Variants in LEF1 observed in about 807,000 individuals in gnomAD.
LEF1 encodes lymphoid enhancer binding factor 1.
Under a neutral mutation model 51.2 loss-of-function variants are expected in LEF1, and 14 were observed. The observed-to-expected ratio is 0.27, with a 90% CI of 0.18 to 0.43. LEF1 has a LOEUF of 0.43. LEF1 is among the 20% of genes least tolerant of loss of function. The pLI is 1.00. For missense variants in LEF1, 386 were observed against 512.0 expected (o/e 0.75, Z 2.37); for synonymous variants, 185 against 183.2 (o/e 1.01, Z -0.08).
chr4:108,120,284 G>A (rs1274198010), intron 3 of LEF1, among the ~76,000 whole-genome samples: 2 of 152,074 alleles, frequency 1.3e-5, no homozygotes, highest in East Asian at 3.9e-4. Context: ...TCCTGCCTCA[G>A]CCTCCCAAAG....
intron 3 of LEF1, among the ~76,000 whole-genome samples, chr4:108,141,575 C>T (rs1743657819): frequency 6.6e-6 from 1 of 152,116 alleles, no homozygotes; most frequent in Admixed American, 6.5e-5. Context: ...GAATAGAGAC[C>T]TCTGCCTTTT....
At position 108,079,606 on chromosome 4, in the gene LEF1, T is replaced by C. The variant is rs1578317288; in HGVS notation, c.731A>G (p.His244Arg). ...SVDTSMSRFS[H>R]HMIPGPPGPH... ...ACCAGGAGGACCGGGAATCATATGA[T>C]GGGAAAACCTGAAAGGAGGAAAGAG... The change falls in exon 7 of 12, where the codon CAT becomes CGT. Residue 244 changes from histidine to arginine, a missense_variant. Physicochemically the swap from His to Arg is conservative, Grantham distance 29. Around this residue, in one of 2 missense-constraint regions of LEF1, gnomAD observed 335 missense variants for 390.7 expected, o/e 0.86. Coordinates refer to ENST00000265165, the MANE Select transcript of LEF1 (RefSeq NM_016269.5). 17 of 1,614,000 alleles carry C rather than the reference T, an allele frequency of 1.1e-5. No individual in the cohort carries two copies. The highest frequency in any genetic ancestry group is 1.3e-5 in the Non-Finnish European group (15 of 1,179,966).
chr4:108,121,998 G>T (rs1262383614), intron 3 of LEF1, among the ~76,000 whole-genome samples: 1 of 151,958 alleles, frequency 6.6e-6, no homozygotes, highest in Non-Finnish European at 1.5e-5. Flanking sequence ...AGAGAATATG[G>T]TCTGTGTCAC....
At position 108,079,487 on chromosome 4, in the gene LEF1, C is replaced by A; in HGVS notation, c.845+5G>T. 1 of 1,614,114 alleles carries A rather than the reference C, an allele frequency of 6.2e-7. No individual in the cohort carries two copies. Among genetic ancestry groups the A allele is most frequent in the Non-Finnish European group, 8.5e-7 (1 of 1,180,002 alleles). On this transcript the variant is annotated splice_donor_5th_base_variant and intron_variant, in intron 7 of 11. Transcript: ENST00000265165. Reference sequence around the variant, plus strand: ...AATCACAGCAGAGCCCGGGTGGATACTTACACGTGCATTAGGTCACTGTCA... The same window carrying A: ...AATCACAGCAGAGCCCGGGTGGATAATTACACGTGCATTAGGTCACTGTCA...
At chr4:108,058,856 G>T (rs916614326) in intron 11 of LEF1, among the ~76,000 whole-genome samples, 49 of 152,306 alleles carry the variant, frequency 3.2e-4, no homozygotes, top group African/African-American at 6.5e-4. Flanking sequence ...TGCGTGGTGA[G>T]TAAACAAGTG....
At chr4:108,060,957 G>A (rs1057294165) in intron 11 of LEF1, among the ~76,000 whole-genome samples, 22 of 152,092 alleles carry the variant, frequency 1.4e-4, no homozygotes. Context: ...AGGAAGGGGT[G>A]GGGGTACAAC....
intron 3 of LEF1, among the ~76,000 whole-genome samples, chr4:108,134,507 G>A (rs1314009745): frequency 1.3e-5 from 2 of 152,182 alleles, no homozygotes. Context: ...CTACAGCACT[G>A]GCACTCCATC....
At chr4:108,094,872 C>T (rs138470518) in intron 3 of LEF1, among the ~76,000 whole-genome samples, 5 of 152,300 alleles carry the variant, frequency 3.3e-5, no homozygotes, top group South Asian at 2.1e-4. Flanking sequence ...GTCTGGTACT[C>T]GTGACATAAA....
intron 3 of LEF1, among the ~76,000 whole-genome samples, chr4:108,099,605 T>TAA (rs1740667585): frequency 8.4e-6 from 1 of 119,012 alleles, no homozygotes; most frequent in Non-Finnish European, 1.8e-5. Context: ...TATATATATA[T>TAA]ATATATATAT....
chr4:108,105,997 T>G (rs1488847427), intron 3 of LEF1, among the ~76,000 whole-genome samples: 1 of 152,200 alleles, frequency 6.6e-6, no homozygotes, highest in Non-Finnish European at 1.5e-5. Flanking sequence ...CAGCTGGGTC[T>G]GCAGTCGGGC....
chr4:108,079,540 G>A lies in LEF1; in HGVS notation c.797C>T (p.Pro266Leu), dbSNP rs780448564. The A allele has an allele frequency of 1.2e-6, 2 of 1,614,060 alleles. No homozygotes were observed. The highest frequency in any genetic ancestry group is 2.2e-5 in the East Asian group (1 of 44,864). Residue 266 changes from proline to leucine, a missense_variant, in exon 7 of 12, where the codon CCT becomes CTT. Physicochemically the swap from Pro to Leu is moderately conservative, Grantham distance 98. This residue lies in a region of LEF1 where 335 missense variants were observed against 390.7 expected (regional missense o/e 0.86). Transcript: ENST00000265165. ...GTGGGGATGTTCCTGTTTGACCTGA[G>A]GTGTTACAATAGCTGGATGAGGGAT... ...TGIPHPAIVT[P>L]QVKQEHPHTD...
At chr4:108,083,862 G>T (rs1443069232) in intron 4 of LEF1, among the ~76,000 whole-genome samples, 2 of 152,136 alleles carry the variant, frequency 1.3e-5, no homozygotes, top group Non-Finnish European at 2.9e-5. Flanking sequence ...TAGGTAAATT[G>T]CCATTTTCAT....
rs113815125 is a variant in LEF1, at chr4:108,130,564, C to CAA, written c.414+33002_414+33003dup. The stretch of plus-strand genomic sequence containing the variant: ...TGAAACCCTGTCTCTACTAAAAATA[C>CAA]AAAAAAAAAAAAAAAAATGGCAAGG... On this transcript the variant is annotated intron_variant, in intron 3 of 11. Coordinates refer to ENST00000265165, the MANE Select transcript of LEF1 (RefSeq NM_016269.5). 1.8e-4 allele frequency among the ~76,000 whole-genome samples: 18 copies of CAA among 98,800 alleles called. No homozygotes were observed. The East Asian group carries it at 2.3e-3, about 13-fold the overall frequency. The allele number at this position is 98,800 out of a possible 152,430, so 64.8% of individuals were successfully genotyped here.
chr4:108,060,834 C>T (rs1237371391), intron 11 of LEF1, among the ~76,000 whole-genome samples: 1 of 152,028 alleles, frequency 6.6e-6, no homozygotes, highest in African/African-American at 2.4e-5. Context: ...CACTCTATTT[C>T]CAGGTCACAC....
At position 108,168,781 on chromosome 4, in the gene LEF1, G is replaced by A. The variant is rs975072768; in HGVS notation, c.-1014C>T. 1 of 152,172 alleles carries A rather than the reference G, an allele frequency of 6.6e-6. No individual in the cohort carries two copies. Among genetic ancestry groups the A allele is most frequent in the African/African-American group, 2.4e-5 (1 of 41,442 alleles). 9.4% of individuals were successfully genotyped at this position (152,172 alleles called of 1,614,324 possible). A position where few individuals can be genotyped will look rare whatever the true frequency, so the allele number is the denominator to read the frequency against. ...CAAAGCAAAGAGCTGCGCCCCTTGAGTTCGCCCGGCCGAGGGGAGGGGACG... is the reference window on the plus strand; with the variant it reads ...CAAAGCAAAGAGCTGCGCCCCTTGAATTCGCCCGGCCGAGGGGAGGGGACG... On this transcript the variant is annotated 5_prime_UTR_variant, in exon 1 of 12. Transcript: ENST00000265165. This position sits in a 1 kb window ranked among gnomAD's most constrained non-coding sequence, Gnocchi z 4.6.
At chr4:108,097,719 C>T (rs996204199) in intron 3 of LEF1, among the ~76,000 whole-genome samples, 5 of 142,378 alleles carry the variant, frequency 3.5e-5, no homozygotes, top group Non-Finnish European at 7.8e-5. Context: ...CTATTATGTA[C>T]CCATAATGAT....
chr4:108,093,165 A>G (rs1740160539), intron 3 of LEF1, among the ~76,000 whole-genome samples: 2 of 152,302 alleles, frequency 1.3e-5, no homozygotes, highest in South Asian at 4.1e-4. Context: ...TCAAGCCAGG[A>G]CTACTGTATA....
rs557676735 is a variant in LEF1 at position 108,137,587 on chromosome 4, G to C, written c.414+25981C>G. On this transcript the variant is annotated intron_variant, in intron 3 of 11. Coordinates refer to ENST00000265165, the MANE Select transcript of LEF1 (RefSeq NM_016269.5). ...GGGGGAAGAAGAGCAAAGTCTGAATGTAGGAAGGAACGGTATTGGTTACTT... is the reference window on the plus strand; with the variant it reads ...GGGGGAAGAAGAGCAAAGTCTGAATCTAGGAAGGAACGGTATTGGTTACTT... 7.9e-5 allele frequency among the ~76,000 whole-genome samples: 12 copies of C among 152,300 alleles called. No homozygotes were observed. The South Asian group carries it at 8.3e-4, about 11-fold the overall frequency.
chr4:108,130,206 G>T (rs981963065), intron 3 of LEF1, among the ~76,000 whole-genome samples: 1 of 152,156 alleles, frequency 6.6e-6, no homozygotes, highest in African/African-American at 2.4e-5. Context: ...AAAAAAAGAG[G>T]AGGACAGATG....
Sources: gnomAD v4.1 joint callset for allele counts (sites outside exome capture counted in the v4.1 genomes callset) on GRCh38, gnomAD v4.1.1 for gene constraint, gnomAD v4.1.1 regional missense constraint, Gnocchi (gnomAD v3.1) non-coding constraint, MANE v1.5 for transcripts, NCBI Gene and HGNC (gene_info 2026-07-23, HGNC 2026-07-21) for gene names.